Variants in ZFAND3 observed in about 807,000 individuals in gnomAD.
ZFAND3 encodes AN1-type zinc finger protein 3.
A neutral mutation model predicts 29.6 loss-of-function variants in ZFAND3; 10 were observed. The observed-to-expected ratio is 0.34, with a 90% confidence interval of 0.21 to 0.57. The LOEUF is 0.57. Among genes scored for constraint, ZFAND3 ranks in the 20% least tolerant of loss-of-function variants. ZFAND3 has a pLI of 0.86. For synonymous variants in ZFAND3, 128 were observed against 112.6 expected (o/e 1.14, Z -0.87); for missense variants, 230 against 304.5 (o/e 0.76, Z 1.82).
At chr6:38,033,948 A>C (rs1763610957) in intron 2 of ZFAND3, among the ~76,000 whole-genome samples, 2 of 152,312 alleles carry the variant, frequency 1.3e-5, no homozygotes, top group African/African-American at 4.8e-5. Flanking sequence ...TTTCAAAATA[A>C]ATTTTATTTT....
At chr6:38,012,558 TA>T (rs1349843501) in intron 2 of ZFAND3, among the ~76,000 whole-genome samples, 4 of 152,110 alleles carry the variant, frequency 2.6e-5, no homozygotes, top group African/African-American at 9.7e-5. Flanking sequence ...TTTGTGTTTT[TA>T]GTAGAGACTG....
At chr6:37,833,699 G>A (rs551783966) in intron 1 of ZFAND3, among the ~76,000 whole-genome samples, 8 of 151,678 alleles carry the variant, frequency 5.3e-5, no homozygotes, top group South Asian at 4.2e-4. Flanking sequence ...GGTGGCGAGC[G>A]TCTGTAGTCC....
intron 1 of ZFAND3, among the ~76,000 whole-genome samples, chr6:37,869,771 C>T (rs116752333): frequency 6.6e-6 from 1 of 151,620 alleles, no homozygotes; most frequent in Non-Finnish European, 1.5e-5. Context: ...CCTTGCCTCA[C>T]AAAGTGCTGG....
chr6:37,906,335 G>C (rs544752245), intron 1 of ZFAND3, among the ~76,000 whole-genome samples: 1 of 152,054 alleles, frequency 6.6e-6, no homozygotes, highest in Non-Finnish European at 1.5e-5. Context: ...GGGCTTATCC[G>C]TGTTGTTGTG....
intron 3 of ZFAND3, among the ~76,000 whole-genome samples, chr6:38,062,960 G>T (rs530550270): frequency 7.9e-5 from 12 of 151,804 alleles, no homozygotes; most frequent in Non-Finnish European, 1.6e-4. Flanking sequence ...GTGGTGGTGT[G>T]TGTTTATGGT....
intron 3 of ZFAND3, among the ~76,000 whole-genome samples, chr6:38,080,012 T>C (rs1764629566): frequency 1.3e-5 from 2 of 151,874 alleles, no homozygotes; most frequent in Non-Finnish European, 2.9e-5. Context: ...CATTCTAATA[T>C]TGCATTCTCT....
At chr6:37,901,433 T>C (rs1449212403) in intron 1 of ZFAND3, among the ~76,000 whole-genome samples, 2 of 152,128 alleles carry the variant, frequency 1.3e-5, no homozygotes, top group Non-Finnish European at 2.9e-5. Flanking sequence ...GGCAACATGG[T>C]GAAAACCCTT....
intron 1 of ZFAND3, among the ~76,000 whole-genome samples, chr6:37,842,365 C>T (rs1264945719): frequency 6.6e-6 from 1 of 152,074 alleles, no homozygotes; most frequent in Non-Finnish European, 1.5e-5. Flanking sequence ...ATTTTTTTCC[C>T]CATCATAGAT....
intron 5 of ZFAND3, among the ~76,000 whole-genome samples, chr6:38,122,746 C>T (rs1024076142): frequency 6.6e-6 from 1 of 152,126 alleles, no homozygotes; most frequent in African/African-American, 2.4e-5. Flanking sequence ...CTGGAACAGC[C>T]TACCATAAGC....
chr6:37,867,577 G>T (rs1241703481), intron 1 of ZFAND3, among the ~76,000 whole-genome samples: 3 of 152,022 alleles, frequency 2.0e-5, no homozygotes, highest in African/African-American at 7.3e-5. Context: ...CTTAATGTGG[G>T]TTTAAAAATT....
At chr6:38,046,486 A>G (rs1271590960) in intron 2 of ZFAND3, among the ~76,000 whole-genome samples, 27 of 152,226 alleles carry the variant, frequency 1.8e-4, no homozygotes, top group Non-Finnish European at 1.2e-4. Context: ...GTTATACCCA[A>G]TTTCACTTGT....
At chr6:38,109,946 G>C (rs1765282289) in intron 4 of ZFAND3, among the ~76,000 whole-genome samples, 1 of 152,120 alleles carries the variant, frequency 6.6e-6, no homozygotes, top group East Asian at 1.9e-4. Flanking sequence ...CAAAGCTCAG[G>C]TGCACTCCCA....
intron 4 of ZFAND3, among the ~76,000 whole-genome samples, chr6:38,094,668 A>G (rs1764941905): frequency 6.6e-6 from 1 of 152,144 alleles, no homozygotes; most frequent in Non-Finnish European, 1.5e-5. Flanking sequence ...TTCTTTCCTG[A>G]TCCATCAACT....
At chr6:38,042,137 A>G (rs951069048) in intron 2 of ZFAND3, among the ~76,000 whole-genome samples, 5 of 151,010 alleles carry the variant, frequency 3.3e-5, no homozygotes, top group Admixed American at 2.0e-4. Context: ...CTGGCCTAAT[A>G]TATATCTTTT....
rs925049577 is a variant in ZFAND3, at chr6:37,844,986, T to G, written c.71+24970T>G. On this transcript the variant is annotated intron_variant, in intron 1 of 5. Transcript: ENST00000287218. ...TTGCAGTGAGCCGAGATCACGCTAC[T>G]GCACTCCAGCCTGGGCGACAGAGCA... Among the ~76,000 whole-genome samples, 3 of 148,916 alleles carry G rather than the reference T, an allele frequency of 2.0e-5. No homozygotes were observed. The Admixed American group carries it at 2.0e-4, about 10-fold the overall frequency.
At chr6:37,829,446 G>A (rs1343490731) in intron 1 of ZFAND3, among the ~76,000 whole-genome samples, 2 of 152,102 alleles carry the variant, frequency 1.3e-5, no homozygotes, top group East Asian at 1.9e-4. Context: ...TGAAGCAGGC[G>A]AATCACTTGA....
At chr6:38,096,663 T>C (rs1263273579) in intron 4 of ZFAND3, among the ~76,000 whole-genome samples, 1 of 152,292 alleles carries the variant, frequency 6.6e-6, no homozygotes, top group South Asian at 2.1e-4. Flanking sequence ...TGTTTTGTTT[T>C]TCTGGGATGC....
chr6:37,843,882 A>G (rs904172067), intron 1 of ZFAND3, among the ~76,000 whole-genome samples: 9 of 151,756 alleles, frequency 5.9e-5, no homozygotes, highest in African/African-American at 2.2e-4. Context: ...ATAAATACTA[A>G]CAAATGCTGA....
intron 2 of ZFAND3, among the ~76,000 whole-genome samples, chr6:37,995,842 C>G (rs1402039717): frequency 2.6e-5 from 4 of 152,012 alleles, no homozygotes; most frequent in African/African-American, 9.7e-5. Context: ...AACAGTGAGA[C>G]TTGGCCGGGC....
Sources: gnomAD v4.1 joint callset for allele counts (sites outside exome capture counted in the v4.1 genomes callset) on GRCh38, gnomAD v4.1.1 for gene constraint, MANE v1.5 for transcripts, NCBI Gene and HGNC (gene_info 2026-07-23, HGNC 2026-07-21) for gene names.